The following ALS2 variants were observed in gnomAD, a reference collection of about 807,000 sequenced individuals.
ALS2 encodes alsin.
ALS2 carries 117 observed loss-of-function variants against 203.4 expected under a neutral mutation model. The observed-to-expected ratio is 0.58, with a 90% CI of 0.50 to 0.67. ALS2 has a LOEUF of 0.67. Ranked by LOEUF, ALS2 falls within the 30% of genes least tolerant of loss-of-function variation. The pLI is 0.00. For missense variants in ALS2, 1,715 were observed against 1,989.4 expected (o/e 0.86, Z 2.62); for synonymous variants, 718 against 725.9 (o/e 0.99, Z 0.17).
Position 201,761,004 on chromosome 2 carries a change from A to C in ALS2, c.990T>G (p.Ile330Met). ...ATGATGGTATGTTTCTGGCAGAGGA[A>C]ATTTCAGTTGTTCCCATGACATTTT... ...SQQNVMGTTE[I>M]SSARNIPSYP... The change falls in exon 4 of 34, where the codon ATT becomes ATG. Residue 330 changes from isoleucine to methionine, a missense_variant. By Grantham distance (10) the Ile-to-Met change is conservative. Transcript: ENST00000264276. The C allele has an allele frequency of 6.2e-7, 1 of 1,614,190 alleles. No homozygotes were observed. Among genetic ancestry groups the C allele is most frequent in the Non-Finnish European group, 8.5e-7 (1 of 1,180,046 alleles).
Position 201,707,929 on chromosome 2 carries a change from G to A in ALS2, c.4343C>T (p.Thr1448Ile), listed in dbSNP as rs1005432754. The A allele has an allele frequency of 6.2e-7, 1 of 1,613,622 alleles. No homozygotes were observed. The highest frequency in any genetic ancestry group is 1.3e-5 in the African/African-American group (1 of 74,982). Reference sequence around the variant, plus strand: ...CCCAGTGCAAAAAGACTTCCTTTCGGTTGGCAGAGGAGCAGAGAGAGGAAT... The same window carrying A: ...CCCAGTGCAAAAAGACTTCCTTTCGATTGGCAGAGGAGCAGAGAGAGGAAT... ...STIPLSAPLPTERKSFCTGKS... is the reference protein window; with the variant it reads ...STIPLSAPLPIERKSFCTGKS... Residue 1448 changes from threonine to isoleucine, a missense_variant, in exon 28 of 34, where the codon ACC becomes ATC. By Grantham distance (89) the Thr-to-Ile change is moderately conservative. Coordinates refer to ENST00000264276, the MANE Select transcript of ALS2 (RefSeq NM_020919.4).
At position 201,715,765 on chromosome 2, in the gene ALS2, A is replaced by G; in HGVS notation, c.3911T>C (p.Leu1304Pro). 6.2e-7 allele frequency: 1 copy of G among 1,614,204 alleles called. No homozygotes were observed. ...KAVFDECWRQ[L>P]GCEGPGQGEV... ...CCCTTGGCCTGGGCCCTCACAGCCC[A>G]GTTGGCGCCAACATTCGTCAAACAC... The change falls in exon 25 of 34, where the codon CTG becomes CCG. Residue 1304 changes from leucine to proline, a missense_variant. Physicochemically the swap from Leu to Pro is moderately conservative, Grantham distance 98. This residue lies in a region of ALS2 where 1,227 missense variants were observed against 1,413.5 expected (regional missense o/e 0.87). Transcript: ENST00000264276.
chr2:201,726,415 T>A, intron 19 of ALS2, 69 bp downstream of exon 19: 1 of 1,367,414 alleles, frequency 7.3e-7, no homozygotes, highest in Non-Finnish European at 1.0e-6. Flanking sequence ...CAGCTCTGCA[T>A]ACAAAATAAC....
Position 201,710,033 on chromosome 2 carries a change from A to G in ALS2, c.4128T>C (p.Cys1376=). Residue 1376 remains cysteine, a synonymous_variant, in exon 27 of 34, where the codon TGT becomes TGC. Transcript: ENST00000264276. ...TGCCCAGGGGGTGCAGAGGAGTGTC[A>G]CAGGCCTGAGTAGGAAAAGAATCAA... ...DDIRKYLIKA[C]DTPLHPLGRL... is the part of the protein sequence containing the mutation. The G allele has an allele frequency of 6.2e-7, 1 of 1,613,670 alleles. No homozygotes were observed.
chr2:201,727,893 C>T (rs953564207), intron 15 of ALS2, 118 bp from the exon 16 acceptor site: 21 of 999,722 alleles, frequency 2.1e-5, no homozygotes, highest in Non-Finnish European at 2.6e-5. Context: ...CTGCAGAACC[C>T]CTTGAAATAG....
At chr2:201,724,683 G>A (rs1486303369) in intron 20 of ALS2, among the ~76,000 whole-genome samples, 2 of 152,128 alleles carry the variant, frequency 1.3e-5, no homozygotes, top group African/African-American at 2.4e-5. Flanking sequence ...GAAAAACAAT[G>A]TGTTTTTATT....
At chr2:201,709,730 G>T in intron 27 of ALS2, 151 bp downstream of exon 27, 1 of 929,192 alleles carries the variant, frequency 1.1e-6, no homozygotes. Context: ...TATGTTTATA[G>T]CTTACACATA....
rs554254677 is a variant in ALS2 at position 201,757,572 on chromosome 2, G to A, written c.1301C>T (p.Ala434Val). Residue 434 changes from alanine to valine, a missense_variant, in exon 5 of 34, where the codon GCT becomes GTT. This residue lies in a region of ALS2 where 476 missense variants were observed against 539.3 expected (regional missense o/e 0.88). Coordinates refer to ENST00000264276, the MANE Select transcript of ALS2 (RefSeq NM_020919.4). The part of the protein sequence containing the change: ...FYSTTPCETG[A>V]QAGSSAIGPE... ...GCCAATGGCACTACTGCCTGCCTGA[G>A]CTCCAGTTTCACAAGGGGTTGTACT... The A allele has an allele frequency of 1.1e-5, 17 of 1,614,108 alleles. No individual in the cohort carries two copies. The East Asian group carries it at 2.9e-4, about 28-fold the overall frequency.
intron 3 of ALS2, among the ~76,000 whole-genome samples, chr2:201,764,847 G>T (rs929316949): frequency 1.3e-5 from 2 of 152,026 alleles, no homozygotes; most frequent in Non-Finnish European, 2.9e-5. Flanking sequence ...GTTAGACGAC[G>T]TTTTCTTTTG....
In ALS2 at chr2:201,744,796, T is replaced by A. The variant is rs937483675; in HGVS notation, c.1999-367A>T. Among the ~76,000 whole-genome samples, 3 of 152,250 alleles carry A rather than the reference T, an allele frequency of 2.0e-5. No homozygotes were observed. In the South Asian group the frequency reaches 6.2e-4, roughly 32 times the overall value. The stretch of plus-strand genomic sequence containing the variant: ...TTTGGAAACAGACCCCCTGGATATA[T>A]AAAGATCCAAATGATAGGGATACAT... On this transcript the variant is annotated intron_variant, in intron 9 of 33. Transcript: ENST00000264276.
intron 1 of ALS2, among the ~76,000 whole-genome samples, chr2:201,771,509 T>A (rs1285663397): frequency 1.3e-5 from 2 of 152,220 alleles, no homozygotes; most frequent in Non-Finnish European, 2.9e-5. Context: ...GGATCTTATG[T>A]TATTAAAGTT....
chr2:201,708,095 C>T (rs1689837919), intron 27 of ALS2, 104 bp from the exon 28 acceptor site: 2 of 1,091,610 alleles, frequency 1.8e-6, no homozygotes, highest in Non-Finnish European at 2.7e-6. Context: ...TTATTATCAA[C>T]TAAGTATTTT....
chr2:201,736,080 A>G (rs923457716), intron 12 of ALS2, among the ~76,000 whole-genome samples: 3 of 152,004 alleles, frequency 2.0e-5, no homozygotes, highest in African/African-American at 7.2e-5. Context: ...TAAAATAATA[A>G]ATATAAAATC....
chr2:201,727,578 G>A (rs1691264884), intron 16 of ALS2, 127 bp downstream of exon 16: 2 of 828,972 alleles, frequency 2.4e-6, no homozygotes, highest in African/African-American at 3.4e-5. Flanking sequence ...TGTGCTGAGA[G>A]GTGGGCCTCA....
rs2106003724 is a variant in ALS2, at chr2:201,725,388, T to C, written c.3315A>G (p.Lys1105=). ...CTCCTTGACCGCACATTTTTCCTTC[T>C]TTCCAATGGCCCACATAATGGTCTT... ...NKEDHYVGHW[K]EGKMCGQGVY... The change falls in exon 20 of 34, where the codon AAA becomes AAG. Residue 1105 remains lysine, a synonymous_variant. Transcript: ENST00000264276. 2 of 1,614,104 alleles carry C rather than the reference T, an allele frequency of 1.2e-6. No homozygotes were observed. Among genetic ancestry groups the C allele is most frequent in the Non-Finnish European group, 1.7e-6 (2 of 1,179,984 alleles).
At chr2:201,709,156 C>G (rs72613731) in intron 27 of ALS2, among the ~76,000 whole-genome samples, 11,769 of 152,216 alleles carry the variant, frequency 0.077, 560 homozygotes, top group East Asian at 0.24. Flanking sequence ...AACTCTCTTC[C>G]CAAAGATGCT....
chr2:201,721,043 T>C (rs751217907), intron 23 of ALS2, among the ~76,000 whole-genome samples: 15 of 152,164 alleles, frequency 9.9e-5, no homozygotes, highest in Non-Finnish European at 2.1e-4. Flanking sequence ...TTTTATATTA[T>C]AGCAATGAAA....
In ALS2 at chr2:201,757,525, T is replaced by A. The variant is rs754141264; in HGVS notation, c.1348A>T (p.Arg450Trp). ...GATTCCTGTTTAACCTGTTCTTCCCTGCTATCTTTCAAACCTTCGGGGCCA... is the reference window on the plus strand; with the variant it reads ...GATTCCTGTTTAACCTGTTCTTCCCAGCTATCTTTCAAACCTTCGGGGCCA... The part of the protein sequence containing the change: ...AIGPEGLKDS[R>W]EEQVKQESMQ... The change falls in exon 5 of 34, where the codon AGG becomes TGG. Residue 450 changes from arginine to tryptophan, a missense_variant. Physicochemically the swap from Arg to Trp is moderately radical, Grantham distance 101 (BLOSUM62 -3). Coordinates refer to ENST00000264276, the MANE Select transcript of ALS2 (RefSeq NM_020919.4). 30 of 1,614,182 alleles carry A rather than the reference T, an allele frequency of 1.9e-5. No homozygotes were observed. The highest frequency in any genetic ancestry group is 2.5e-5 in the Non-Finnish European group (30 of 1,180,012).
At chr2:201,755,602 T>C (rs144072483) in intron 5 of ALS2, among the ~76,000 whole-genome samples, 40 of 152,244 alleles carry the variant, frequency 2.6e-4, no homozygotes, top group African/African-American at 9.2e-4. Flanking sequence ...TAAGTCAAGG[T>C]CTAAGTTGAA....
Sources: gnomAD v4.1 joint callset for allele counts (sites outside exome capture counted in the v4.1 genomes callset) on GRCh38, gnomAD v4.1.1 for gene constraint, gnomAD v4.1.1 regional missense constraint, MANE v1.5 for transcripts, NCBI Gene and HGNC (gene_info 2026-07-23, HGNC 2026-07-21) for gene names.